The following ILRUN variants were observed in gnomAD, a reference collection of about 807,000 sequenced individuals.
The protein encoded by ILRUN is inflammation and lipid regulator with UBA-like and NBR1-like domains.
A neutral mutation model predicts 33.8 loss-of-function variants in ILRUN; 3 were observed. The ratio of observed to expected loss-of-function variants is 0.09; its 90% CI spans 0.04 to 0.23. ILRUN has a LOEUF of 0.23. Ranked by LOEUF, ILRUN falls within the 10% of genes least tolerant of loss-of-function variation. ILRUN has a pLI of 1.00. For synonymous variants in ILRUN, 124 were observed against 138.9 expected (o/e 0.89, Z 0.75); for missense variants, 210 against 375.1 (o/e 0.56, Z 3.64).
In ILRUN at chr6:34,608,275, T is replaced by C. The variant is rs1253077902; in HGVS notation, c.512-1371A>G. On this transcript the variant is annotated intron_variant, in intron 3 of 4. Coordinates refer to ENST00000374023, the MANE Select transcript of ILRUN (RefSeq NM_024294.4). ...TGGGCATAGTGGCGGGTGCCTATAA[T>C]CCCGGCTACTCAGGAGGCTGAGGCA... Among the ~76,000 whole-genome samples the C allele has an allele frequency of 2.6e-5, 4 of 150,946 alleles. No individual in the cohort carries two copies. In the South Asian group the frequency reaches 6.3e-4, roughly 24 times the overall value.
At chr6:34,656,128 C>T (rs112540634) in intron 1 of ILRUN, among the ~76,000 whole-genome samples, 21,364 of 149,872 alleles carry the variant, frequency 0.14, 1,619 homozygotes, top group African/African-American at 0.16. Context: ...CCCAGCTACT[C>T]GGGAGGCTGA....
At chr6:34,665,221 T>A (rs1236213315) in intron 1 of ILRUN, among the ~76,000 whole-genome samples, 1 of 139,406 alleles carries the variant, frequency 7.2e-6, no homozygotes, top group Non-Finnish European at 1.5e-5. Flanking sequence ...TCTGGGAGGC[T>A]GAGACAGGAG....
At chr6:34,676,499 TAGAG>T (rs902698920) in intron 1 of ILRUN, among the ~76,000 whole-genome samples, 47 of 150,046 alleles carry the variant, frequency 3.1e-4, no homozygotes, top group Non-Finnish European at 5.9e-4. Context: ...TATGCAAAGA[TAGAG>T]AGAGAGAGAT....
At position 34,656,696 on chromosome 6, in the gene ILRUN, A is replaced by C. The variant is rs145357489; in HGVS notation, c.159-1917T>G. Among the ~76,000 whole-genome samples the C allele has an allele frequency of 3.9e-5, 6 of 152,328 alleles. No individual in the cohort carries two copies. In the East Asian group the frequency reaches 9.6e-4, roughly 24 times the overall value. On this transcript the variant is annotated intron_variant, in intron 1 of 4. Transcript: ENST00000374023. ...ATCAACAGAAATGCTAATAACAGCA[A>C]ATAATTTTCTGTTGGGGGCCTGCCT...
chr6:34,628,584 G>A (rs1310403318), intron 3 of ILRUN, among the ~76,000 whole-genome samples: 5 of 151,568 alleles, frequency 3.3e-5, no homozygotes, highest in East Asian at 1.9e-4. Flanking sequence ...CGCCCGCCTC[G>A]GCCTCCCAAA....
At chr6:34,610,372 C>G (rs1761724056) in intron 3 of ILRUN, among the ~76,000 whole-genome samples, 1 of 152,088 alleles carries the variant, frequency 6.6e-6, no homozygotes, top group African/African-American at 2.4e-5. Context: ...GTGGGACAAT[C>G]CAATAGCAGG....
Position 34,696,495 on chromosome 6 carries a change from A to C in ILRUN, c.109T>G (p.Phe37Val). 6.2e-7 allele frequency: 1 copy of C among 1,611,608 alleles called. No individual in the cohort carries two copies. The highest frequency in any genetic ancestry group is 8.5e-7 in the Non-Finnish European group (1 of 1,179,226). The change falls in exon 1 of 5, where the codon TTC (phenylalanine) becomes GTC (valine). Residue 37 changes from phenylalanine (F) to valine (V), a missense_variant. Phe to Val is a conservative substitution (Grantham distance 50). Transcript: ENST00000374023. The part of the protein sequence containing the change: ...LISEFQRLLG[F>V]QLNPAGCAFF... ...GCGCAACCGGCAGGATTGAGCTGGA[A>C]GCCGAGCAGCCTCTGGAACTCGGAG...
At chr6:34,633,986 C>T (rs1762303412) in intron 3 of ILRUN, among the ~76,000 whole-genome samples, 1 of 149,596 alleles carries the variant, frequency 6.7e-6, no homozygotes, top group Non-Finnish European at 1.5e-5. Context: ...ATTAACAAAG[C>T]TGGGAGCACA....
chr6:34,614,215 G>T (rs1465632579), intron 3 of ILRUN, among the ~76,000 whole-genome samples: 3 of 151,974 alleles, frequency 2.0e-5, no homozygotes, highest in African/African-American at 7.3e-5. Context: ...CAGGTCAGGA[G>T]ATCGAGACCA....
At chr6:34,643,954 G>A (rs913067547) in intron 3 of ILRUN, among the ~76,000 whole-genome samples, 2 of 152,108 alleles carry the variant, frequency 1.3e-5, no homozygotes, top group African/African-American at 4.8e-5. Flanking sequence ...TGCCCACCTC[G>A]GCCTCCCAGA....
rs1399770242 is a variant in ILRUN at position 34,646,151 on chromosome 6, A to C, written c.511+450T>G. Reference sequence around the variant, plus strand: ...AAATGTGAAAGAAGAGACAGTGAGTATAGATCACTGCTCAAAACGTTTGGC... The same window carrying C: ...AAATGTGAAAGAAGAGACAGTGAGTCTAGATCACTGCTCAAAACGTTTGGC... On this transcript the variant is annotated intron_variant, in intron 3 of 4. Coordinates refer to ENST00000374023, the MANE Select transcript of ILRUN (RefSeq NM_024294.4). The surrounding 1 kb of genome is among the most constrained non-coding windows in gnomAD (Gnocchi z 4.9). Among the ~76,000 whole-genome samples the C allele has an allele frequency of 6.6e-6, 1 of 152,204 alleles. No individual in the cohort carries two copies. The highest frequency in any genetic ancestry group is 2.4e-5 in the African/African-American group (1 of 41,442).
chr6:34,611,102 C>CT (rs59506285), intron 3 of ILRUN, among the ~76,000 whole-genome samples: 10,736 of 121,880 alleles, frequency 0.088, 565 homozygotes, highest in African/African-American at 0.14. Flanking sequence ...TTTCTGATGT[C>CT]TTTTTTTTTT....
At chr6:34,610,960 C>T (rs1264227362) in intron 3 of ILRUN, among the ~76,000 whole-genome samples, 1 of 152,010 alleles carries the variant, frequency 6.6e-6, no homozygotes, top group Non-Finnish European at 1.5e-5. Flanking sequence ...CCTGTAATTC[C>T]AGCACTCTGG....
At chr6:34,628,629 G>A (rs1055631807) in intron 3 of ILRUN, among the ~76,000 whole-genome samples, 3 of 152,012 alleles carry the variant, frequency 2.0e-5, no homozygotes, top group Admixed American at 6.6e-5. Context: ...ACCACGCCCG[G>A]CCCACCTTTT....
At chr6:34,654,001 C>CTG (rs909796190) in intron 2 of ILRUN, among the ~76,000 whole-genome samples, 4 of 148,108 alleles carry the variant, frequency 2.7e-5, no homozygotes, top group South Asian at 2.1e-4. Context: ...TGCTGGGATT[C>CTG]TGTGTGTGAG....
chr6:34,615,919 G>A (rs1761880680), intron 3 of ILRUN, among the ~76,000 whole-genome samples: 1 of 152,138 alleles, frequency 6.6e-6, no homozygotes, highest in African/African-American at 2.4e-5. Flanking sequence ...TGGATGTTGG[G>A]CTGAGGCTGC....
chr6:34,649,925 C>T (rs942251581), intron 2 of ILRUN, among the ~76,000 whole-genome samples: 6 of 152,096 alleles, frequency 3.9e-5, no homozygotes, highest in Non-Finnish European at 5.9e-5. Context: ...TATTTTAATG[C>T]ACTAGAAGAA....
intron 1 of ILRUN, among the ~76,000 whole-genome samples, chr6:34,662,523 T>C (rs1762911235): frequency 6.6e-6 from 1 of 152,056 alleles, no homozygotes; most frequent in Admixed American, 6.6e-5. Context: ...AAATAAACAA[T>C]ATATGATTTA....
chr6:34,604,386 G>C (rs992792046), intron 4 of ILRUN, among the ~76,000 whole-genome samples: 21 of 152,170 alleles, frequency 1.4e-4, no homozygotes, highest in African/African-American at 4.8e-4. Context: ...ACAATTAATG[G>C]GCTCTCAATT....
Sources: gnomAD v4.1 joint callset for allele counts (sites outside exome capture counted in the v4.1 genomes callset) on GRCh38, gnomAD v4.1.1 for gene constraint, Gnocchi (gnomAD v3.1) non-coding constraint, MANE v1.5 for transcripts, NCBI Gene and HGNC (gene_info 2026-07-23, HGNC 2026-07-21) for gene names.